The following SHISA6 variants were observed in gnomAD, a reference collection of about 807,000 sequenced individuals.
SHISA6 encodes shisa family member 6.
A neutral mutation model predicts 47.9 loss-of-function variants in SHISA6; 22 were observed. That is an observed-to-expected ratio of 0.46 (90% CI 0.33 to 0.66). SHISA6 has a LOEUF of 0.66. SHISA6 is among the 30% of genes least tolerant of loss of function. SHISA6 has a pLI of 0.02. For synonymous variants in SHISA6, 388 were observed against 337.8 expected (o/e 1.15, Z -1.63); for missense variants, 680 against 764.6 (o/e 0.89, Z 1.30).
chr17:11,415,770 G>T (rs1017170381), intron 3 of SHISA6, among the ~76,000 whole-genome samples: 1 of 152,024 alleles, frequency 6.6e-6, no homozygotes, highest in African/African-American at 2.4e-5. Context: ...TAGGATTTTG[G>T]TATTATCTAA....
intron 3 of SHISA6, among the ~76,000 whole-genome samples, chr17:11,525,641 A>C (rs1372788430): frequency 3.9e-4 from 39 of 100,608 alleles, no homozygotes; most frequent in African/African-American, 1.4e-3. Context: ...CAAAAAAAAA[A>C]AAAAAAAAAA....
chr17:11,553,152 T>C (rs1055130359), intron 4 of SHISA6, among the ~76,000 whole-genome samples: 1 of 152,004 alleles, frequency 6.6e-6, no homozygotes, highest in African/African-American at 2.4e-5. Flanking sequence ...AAGAAAAAAA[T>C]ATTCAACAGG....
At chr17:11,348,491 AT>A (rs1330323399) in intron 2 of SHISA6, among the ~76,000 whole-genome samples, 1 of 152,172 alleles carries the variant, frequency 6.6e-6, no homozygotes, top group African/African-American at 2.4e-5. Context: ...ATTTAATGCA[AT>A]AATTTAGTAA....
intron 3 of SHISA6, among the ~76,000 whole-genome samples, chr17:11,510,096 C>T (rs893082171): frequency 6.6e-6 from 1 of 151,996 alleles, no homozygotes; most frequent in Admixed American, 6.6e-5. Flanking sequence ...ATACCAGTAA[C>T]TTGGTATTGT....
At chr17:11,393,693 G>A (rs1167768254) in intron 3 of SHISA6, among the ~76,000 whole-genome samples, 1 of 152,170 alleles carries the variant, frequency 6.6e-6, no homozygotes, top group Non-Finnish European at 1.5e-5. Context: ...GAAATGGCAA[G>A]ATGCACCTAC....
rs1034956208 is a variant in SHISA6 at position 11,270,467 on chromosome 17, T to G, written c.799+6941T>G. ...ACAGTAAGACAAACCAAAGACCAAA[T>G]TGCCCCTTGGTTTGGACAGCCTGGA... On this transcript the variant is annotated intron_variant, in intron 2 of 5. Transcript: ENST00000441885. 2.0e-5 allele frequency among the ~76,000 whole-genome samples: 3 copies of G among 152,266 alleles called. No homozygotes were observed. The South Asian group carries it at 6.2e-4, about 32-fold the overall frequency.
At chr17:11,328,589 C>T (rs1477215506) in intron 2 of SHISA6, among the ~76,000 whole-genome samples, 2 of 152,118 alleles carry the variant, frequency 1.3e-5, no homozygotes, top group African/African-American at 2.4e-5. Flanking sequence ...AAATAAATTG[C>T]GTGTGTGTGT....
At chr17:11,275,976 T>G (rs561086207) in intron 2 of SHISA6, among the ~76,000 whole-genome samples, 3 of 150,540 alleles carry the variant, frequency 2.0e-5, no homozygotes, top group African/African-American at 5.0e-5. Flanking sequence ...TTCTGTTTTT[T>G]GTTTTTGTTT....
At chr17:11,488,493 A>C (rs182042453) in intron 3 of SHISA6, among the ~76,000 whole-genome samples, 6 of 152,298 alleles carry the variant, frequency 3.9e-5, no homozygotes, top group Admixed American at 3.9e-4. Flanking sequence ...AACTGGACTA[A>C]GCAGAAAAAA....
At chr17:11,275,125 G>A (rs1298629932) in intron 2 of SHISA6, among the ~76,000 whole-genome samples, 3 of 152,040 alleles carry the variant, frequency 2.0e-5, no homozygotes, top group Non-Finnish European at 4.4e-5. Flanking sequence ...GTTCTAGTGT[G>A]GAAGGCTGCT....
At chr17:11,278,011 G>T (rs1419072218) in intron 2 of SHISA6, among the ~76,000 whole-genome samples, 1 of 152,126 alleles carries the variant, frequency 6.6e-6, no homozygotes, top group Non-Finnish European at 1.5e-5. Context: ...GGCTATTGGG[G>T]GCTATTAATG....
intron 3 of SHISA6, among the ~76,000 whole-genome samples, chr17:11,383,323 G>T (rs780981392): frequency 6.6e-6 from 1 of 152,156 alleles, no homozygotes; most frequent in African/African-American, 2.4e-5. Flanking sequence ...CACTTCAAGG[G>T]CCTGGGGGTA....
intron 3 of SHISA6, among the ~76,000 whole-genome samples, chr17:11,462,504 C>A (rs1284573268): frequency 7.2e-5 from 11 of 152,230 alleles, no homozygotes; most frequent in Admixed American, 7.2e-4. Flanking sequence ...AGGGTCTACT[C>A]TCTGGCTACT....
chr17:11,551,812 G>T, intron 3 of SHISA6, 84 bp from the exon 4 acceptor site: 1 of 1,190,272 alleles, frequency 8.4e-7, no homozygotes, highest in Non-Finnish European at 1.2e-6. Context: ...AAGCACATTA[G>T]AGGTAAAGAG....
chr17:11,544,189 A>G (rs2071860863), intron 3 of SHISA6, among the ~76,000 whole-genome samples: 1 of 152,164 alleles, frequency 6.6e-6, no homozygotes, highest in African/African-American at 2.4e-5. Flanking sequence ...TACCAGAAGC[A>G]CAATGTATAA....
intron 2 of SHISA6, among the ~76,000 whole-genome samples, chr17:11,296,638 A>G (rs1035613322): frequency 6.6e-6 from 1 of 152,134 alleles, no homozygotes; most frequent in Non-Finnish European, 1.5e-5. Flanking sequence ...GGGCTGAAAT[A>G]TAAATGTGAG....
intron 2 of SHISA6, among the ~76,000 whole-genome samples, chr17:11,322,377 A>G (rs774308296): frequency 1.3e-5 from 2 of 152,140 alleles, no homozygotes; most frequent in Non-Finnish European, 2.9e-5. Flanking sequence ...GTAGAAAGAA[A>G]TTTCTTTACA....
chr17:11,322,067 C>G (rs111739573), intron 2 of SHISA6, among the ~76,000 whole-genome samples: 2,267 of 152,118 alleles, frequency 0.015, 61 homozygotes, highest in African/African-American at 0.052. Context: ...GGGATTATGT[C>G]TCTTTAATTT....
Position 11,379,479 on chromosome 17 carries a change from T to G in SHISA6, c.865T>G (p.Phe289Val). ...PDLHNFISSG[F>V]VTLGRGHTKG... ...TCTCCATAACTTCATCTCATCTGGA[T>G]TTGTCACATTAGGAAGAGGACACAC... Residue 289 changes from phenylalanine to valine, a missense_variant, in exon 3 of 6, where the codon TTT becomes GTT. By Grantham distance (50) the Phe-to-Val change is conservative (BLOSUM62 -1). Transcript: ENST00000441885. 6.5e-7 allele frequency: 1 copy of G among 1,540,484 alleles called. No individual in the cohort carries two copies. Among genetic ancestry groups the G allele is most frequent in the Non-Finnish European group, 8.8e-7 (1 of 1,142,066 alleles).
Sources: allele counts gnomAD v4.1 joint callset (sites outside exome capture counted in the v4.1 genomes callset), GRCh38; gene constraint gnomAD v4.1.1; transcripts MANE v1.5; gene names NCBI Gene and HGNC (gene_info 2026-07-23, HGNC 2026-07-21).